CDH12: variants seen among roughly 807,000 people sequenced by gnomAD.
The protein encoded by CDH12 is cadherin-12.
Under a neutral mutation model 74.1 loss-of-function variants are expected in CDH12, and 41 were observed. That is an observed-to-expected ratio of 0.55 (90% CI 0.43 to 0.72). The LOEUF (loss-of-function observed/expected upper bound fraction) is 0.72, where lower values mean the gene tolerates loss of function less well. Ranked by LOEUF, CDH12 falls within the 30% of genes least tolerant of loss-of-function variation. The pLI, the probability that CDH12 is intolerant of heterozygous loss-of-function variation, is 0.00. For synonymous variants in CDH12, 399 were observed against 355.0 expected (o/e 1.12, Z -1.39); for missense variants, 945 against 977.2 (o/e 0.97, Z 0.44).
intron 11 of CDH12, chr5:21,774,583 C>T (rs945404510): frequency 6.6e-6 from 1 of 151,982 alleles, no homozygotes; most frequent in Non-Finnish European, 1.5e-5. Flanking sequence ...TTAAAGAACC[C>T]TAATATACAA....
intron 5 of CDH12, among the ~76,000 whole-genome samples, chr5:22,001,676 C>G (rs1736610660): frequency 6.6e-6 from 1 of 151,870 alleles, no homozygotes. Context: ...CCTGTTGTTC[C>G]TTTCTTTGTA....
chr5:22,012,002 C>T (rs891013160), intron 5 of CDH12, among the ~76,000 whole-genome samples: 1 of 152,058 alleles, frequency 6.6e-6, no homozygotes, highest in Non-Finnish European at 1.5e-5. Context: ...AAAGAGTCAA[C>T]TCTGTATTAT....
chr5:22,752,732 C>A (rs1745657059), intron 1 of CDH12, among the ~76,000 whole-genome samples: 2 of 144,412 alleles, frequency 1.4e-5, no homozygotes. Flanking sequence ...CCACTACGCC[C>A]GGCTAATTTT....
At chr5:22,518,477 C>T (rs1036629527) in intron 1 of CDH12, among the ~76,000 whole-genome samples, 3 of 152,096 alleles carry the variant, frequency 2.0e-5, no homozygotes, top group African/African-American at 7.2e-5. Context: ...AAGCTTGGAT[C>T]TGCGCTTTGA....
intron 4 of CDH12, among the ~76,000 whole-genome samples, chr5:22,195,928 A>G (rs528461096): frequency 6.6e-6 from 1 of 152,182 alleles, no homozygotes; most frequent in South Asian, 2.1e-4. Context: ...TCAACCTATT[A>G]GTAGCAATAA....
At chr5:22,006,715 T>A (rs1256543078) in intron 5 of CDH12, among the ~76,000 whole-genome samples, 2 of 152,118 alleles carry the variant, frequency 1.3e-5, no homozygotes, top group African/African-American at 4.8e-5. Flanking sequence ...AGTTTTCTTA[T>A]CTTCTCTATT....
intron 1 of CDH12, among the ~76,000 whole-genome samples, chr5:22,820,229 C>A (rs192958048): frequency 2.4e-4 from 36 of 151,740 alleles, no homozygotes; most frequent in Admixed American, 2.0e-3. Context: ...AAAACACAGG[C>A]AGAGACAATA....
intron 3 of CDH12, among the ~76,000 whole-genome samples, chr5:22,256,520 CTAT>C (rs1561260276): frequency 6.6e-6 from 1 of 152,096 alleles, no homozygotes; most frequent in Admixed American, 6.6e-5. Flanking sequence ...ACTATACTTT[CTAT>C]TATTATTTTA....
chr5:21,831,780 C>G (rs1411672305), intron 8 of CDH12, among the ~76,000 whole-genome samples: 1 of 151,974 alleles, frequency 6.6e-6, no homozygotes, highest in South Asian at 2.1e-4. Flanking sequence ...GATAGAAGAG[C>G]TTTCCAATTC....
rs947233342 is a variant in CDH12 at position 22,064,020 on chromosome 5, C to A, written c.231+14426G>T. ...ACACACACACACACACACACACACA[C>A]AAACACACACACACACACAGTTGAC... On this transcript the variant is annotated intron_variant, in intron 5 of 14. Transcript: ENST00000382254. 2.4e-3 allele frequency among the ~76,000 whole-genome samples: 329 copies of A among 135,032 alleles called. 5 individuals carry two copies. The highest frequency in any genetic ancestry group is 5.3e-3 in the East Asian group (24 of 4,500). 88.6% of individuals were successfully genotyped at this position (135,032 alleles called of 152,430 possible). A position where few individuals can be genotyped will look rare whatever the true frequency, so the allele number is the denominator to read the frequency against.
At chr5:22,407,053 C>A (rs1180438026) in intron 2 of CDH12, among the ~76,000 whole-genome samples, 1 of 151,978 alleles carries the variant, frequency 6.6e-6, no homozygotes, top group Non-Finnish European at 1.5e-5. Context: ...GGCTTCAATT[C>A]TGTTCTTTTT....
At chr5:21,916,721 G>T (rs190016816) in intron 6 of CDH12, among the ~76,000 whole-genome samples, 1 of 152,214 alleles carries the variant, frequency 6.6e-6, no homozygotes, top group Admixed American at 6.5e-5. Context: ...TTTGACGGGA[G>T]CATATAATCG....
In CDH12 at chr5:21,822,087, G is replaced by A. The variant is rs35486156; in HGVS notation, c.815-4955C>T. On this transcript the variant is annotated intron_variant, in intron 8 of 14. Coordinates refer to ENST00000382254, the MANE Select transcript of CDH12 (RefSeq NM_004061.5). ...TTTAAACATCCCTCTTTTCCTGATCGTTTAAAATATCTCTCTTTTCCTGAT... is the reference window on the plus strand; with the variant it reads ...TTTAAACATCCCTCTTTTCCTGATCATTTAAAATATCTCTCTTTTCCTGAT... Among the ~76,000 whole-genome samples, 30 of 151,690 alleles carry A rather than the reference G, an allele frequency of 2.0e-4. 1 individual carries two copies. The South Asian group carries it at 4.6e-3, about 23-fold the overall frequency.
intron 13 of CDH12, among the ~76,000 whole-genome samples, chr5:21,757,198 T>C (rs1314508109): frequency 2.6e-5 from 4 of 152,154 alleles, no homozygotes; most frequent in Admixed American, 2.0e-4. Flanking sequence ...TATTTTGAGA[T>C]GGAGTTTCAC....
intron 6 of CDH12, among the ~76,000 whole-genome samples, chr5:21,875,933 C>G (rs933908703): frequency 6.8e-6 from 1 of 146,678 alleles, no homozygotes; most frequent in Admixed American, 6.9e-5. Context: ...GTCTCGCTCT[C>G]TCTCCATGCT....
chr5:22,229,349 T>C (rs1752305621), intron 3 of CDH12, among the ~76,000 whole-genome samples: 1 of 53,822 alleles, frequency 1.9e-5, no homozygotes, highest in Non-Finnish European at 4.6e-5. Flanking sequence ...CTTTATTTTT[T>C]CTGCCTTTTA....
Position 21,778,466 on chromosome 5 carries a change from C to CAAAAA in CDH12, c.1393+4887_1393+4891dup, listed in dbSNP as rs70957061. On this transcript the variant is annotated intron_variant, in intron 11 of 14. Transcript: ENST00000382254. The stretch of plus-strand genomic sequence containing the variant: ...AGAGCTGACAATTTGGCATATAAGC[C>CAAAAA]AAAAAAAAAAAAAAAAAAAAAAAAA... Among the ~76,000 whole-genome samples the CAAAAA allele has an allele frequency of 2.5e-3, 132 of 52,616 alleles. 2 individuals are homozygous for CAAAAA. Among genetic ancestry groups the CAAAAA allele is most frequent in the African/African-American group, 8.8e-3 (102 of 11,634 alleles). The allele number at this position is 52,616 out of a possible 152,430, so 34.5% of individuals were successfully genotyped here.
chr5:22,574,403 A>G (rs1739682043), intron 1 of CDH12, among the ~76,000 whole-genome samples: 2 of 151,746 alleles, frequency 1.3e-5, no homozygotes, highest in Admixed American at 1.3e-4. Context: ...TTTTTCCATA[A>G]CATGCCTTCA....
At chr5:22,602,569 G>T (rs1234679734) in intron 1 of CDH12, among the ~76,000 whole-genome samples, 1 of 152,034 alleles carries the variant, frequency 6.6e-6, no homozygotes, top group Non-Finnish European at 1.5e-5. Context: ...AATTCATGCA[G>T]AAGATTCAAG....
Sources: gnomAD v4.1 joint callset for allele counts (sites outside exome capture counted in the v4.1 genomes callset) on GRCh38, gnomAD v4.1.1 for gene constraint, MANE v1.5 for transcripts, NCBI Gene and HGNC (gene_info 2026-07-23, HGNC 2026-07-21) for gene names.